The following ABCB5 variants were observed in gnomAD, a reference collection of about 807,000 sequenced individuals.
ABCB5 encodes ATP-binding cassette sub-family B member 5.
In ABCB5, 155 loss-of-function variants were observed where a neutral mutation model predicts 144.2. The ratio of observed to expected loss-of-function variants is 1.08; its 90% CI spans 0.94 to 1.23. ABCB5 has a LOEUF of 1.23. Among genes scored for constraint, ABCB5 ranks in the 50% most tolerant of loss-of-function variants. The probability of loss-of-function intolerance (pLI) is 0.00; values close to 1 mark genes in which losing one functional copy is unlikely to be tolerated. For missense variants in ABCB5, 1,830 were observed against 1,520.8 expected, an observed-to-expected ratio of 1.20 and a Z score of -3.38; for synonymous variants, 610 against 528.6, an observed-to-expected ratio of 1.15 and a Z score of -2.11.
chr7:20,633,078 G>C (rs1639077660), intron 5 of ABCB5, among the ~76,000 whole-genome samples: 4 of 137,614 alleles, frequency 2.9e-5, no homozygotes, highest in Admixed American at 2.9e-4. Flanking sequence ...TCAACAAATA[G>C]TAAAAATAAT....
intron 20 of ABCB5, among the ~76,000 whole-genome samples, chr7:20,717,013 C>T (rs140140007): frequency 3.1e-4 from 47 of 152,280 alleles, no homozygotes; most frequent in African/African-American, 8.4e-4. Context: ...AGCACTTACC[C>T]GACCTGAACG....
intron 2 of ABCB5, among the ~76,000 whole-genome samples, chr7:20,624,018 T>C (rs1476766192): frequency 1.3e-5 from 2 of 152,220 alleles, no homozygotes; most frequent in African/African-American, 4.8e-5. Flanking sequence ...TTTAGGAACA[T>C]TTTGAAAATC....
At chr7:20,686,630 G>C (rs957304551) in intron 16 of ABCB5, among the ~76,000 whole-genome samples, 4 of 151,998 alleles carry the variant, frequency 2.6e-5, no homozygotes, top group African/African-American at 9.7e-5. Context: ...GTCGACCTTT[G>C]CTAGCCCCTG....
At chr7:20,667,469 A>C in intron 14 of ABCB5, 3 of 984,570 alleles carry the variant, frequency 3.0e-6, no homozygotes, top group Non-Finnish European at 3.6e-6. Context: ...TAATTGTTTG[A>C]CTTTATATTC....
chr7:20,755,168 C>A (rs1375382056), intron 27 of ABCB5, among the ~76,000 whole-genome samples: 4 of 152,104 alleles, frequency 2.6e-5, no homozygotes, highest in African/African-American at 9.7e-5. Flanking sequence ...AGGCTGGTCT[C>A]GAACTCCTGA....
intron 1 of ABCB5, among the ~76,000 whole-genome samples, chr7:20,617,291 T>C (rs1783709017): frequency 6.6e-6 from 1 of 152,192 alleles, no homozygotes; most frequent in Non-Finnish European, 1.5e-5. Flanking sequence ...GTAGATTTTT[T>C]TCCAGTGCAT....
At chr7:20,659,542 G>A (rs377397932) in intron 14 of ABCB5, 11 of 1,003,372 alleles carry the variant, frequency 1.1e-5, no homozygotes, top group East Asian at 1.0e-4. Flanking sequence ...GATTGTGCAA[G>A]TTTGAACGCT....
chr7:20,668,434 A>C (rs1250552726), intron 14 of ABCB5, among the ~76,000 whole-genome samples: 3 of 150,196 alleles, frequency 2.0e-5, no homozygotes, highest in African/African-American at 4.9e-5. Context: ...GGAGGTGAGG[A>C]GCGTCTCTGC....
chr7:20,724,861 C>CA (rs1280414935), intron 21 of ABCB5, among the ~76,000 whole-genome samples: 2 of 151,946 alleles, frequency 1.3e-5, no homozygotes, highest in African/African-American at 4.8e-5. Context: ...ACCTTTCCAC[C>CA]TTTTTTTGCA....
At chr7:20,658,454 C>G (rs7807360) in intron 13 of ABCB5, 52 bp from the exon 14 acceptor site, 311,647 of 1,568,242 alleles carry the variant, frequency 0.2, 32,682 homozygotes, top group South Asian at 0.21. Flanking sequence ...CTGTTCTAAC[C>G]ATTTGATCAC....
Position 20,698,439 on chromosome 7 carries a change from T to G in ABCB5, c.2043T>G (p.Ile681Met), listed in dbSNP as rs751900178. Residue 681 changes from isoleucine (I) to methionine (M), a missense_variant, in exon 17 of 28, where the codon ATT (isoleucine) becomes ATG (methionine). Ile to Met is a conservative substitution (Grantham distance 10). Transcript: ENST00000404938. ...ISLPEVSLLK[I>M]LKLNKPEWPF... ...TTCCTGAAGTCTCTCTATTAAAAAT[T>G]TTAAAGTTAAACAAGCCTGAATGGC... 2.5e-6 allele frequency: 4 copies of G among 1,582,414 alleles called. No homozygotes were observed. Among genetic ancestry groups the G allele is most frequent in the African/African-American group, 1.4e-5 (1 of 72,760 alleles).
At chr7:20,693,619 G>A (rs1786306851) in intron 16 of ABCB5, among the ~76,000 whole-genome samples, 1 of 151,978 alleles carries the variant, frequency 6.6e-6, no homozygotes, top group Non-Finnish European at 1.5e-5. Context: ...AAAGAAACTT[G>A]TACCACTAAA....
At chr7:20,619,666 G>A (rs1326364529) in intron 1 of ABCB5, among the ~76,000 whole-genome samples, 1 of 152,156 alleles carries the variant, frequency 6.6e-6, no homozygotes. Flanking sequence ...TTGCTGTGCA[G>A]AAGCTCTTTA....
chr7:20,717,883 CTTTTTTTTTTTTTTTTTT>C (rs574592723), intron 20 of ABCB5, among the ~76,000 whole-genome samples: 16 of 43,272 alleles, frequency 3.7e-4, no homozygotes, highest in South Asian at 1.3e-3. Flanking sequence ...TTGTAACATT[CTTTTTTTTTTTTTTTTTT>C]TTTTTTTTTT....
intron 3 of ABCB5, among the ~76,000 whole-genome samples, chr7:20,627,642 C>T (rs1310400413): frequency 6.6e-6 from 1 of 151,472 alleles, no homozygotes; most frequent in South Asian, 2.1e-4. Context: ...GCATTTCTTT[C>T]TTATTCAAAA....
chr7:20,744,405 C>T (rs1418793355), intron 25 of ABCB5, among the ~76,000 whole-genome samples: 3 of 152,090 alleles, frequency 2.0e-5, no homozygotes, highest in Admixed American at 1.3e-4. Flanking sequence ...CCTTTGCAGG[C>T]TCCTTCTCAC....
At chr7:20,646,699 A>C (rs879379149) in intron 9 of ABCB5, among the ~76,000 whole-genome samples, 1 of 152,190 alleles carries the variant, frequency 6.6e-6, no homozygotes, top group Non-Finnish European at 1.5e-5. Context: ...AGTTACAATA[A>C]ACAGATCAGT....
intron 14 of ABCB5, among the ~76,000 whole-genome samples, chr7:20,665,725 A>AGAT (rs1785156557): frequency 3.8e-5 from 2 of 52,166 alleles, no homozygotes; most frequent in Admixed American, 3.3e-4. Flanking sequence ...AGAGATGGAA[A>AGAT]GATAGATAGA....
chr7:20,743,025 C>T lies in ABCB5; in HGVS notation c.3173C>T (p.Thr1058Ile), dbSNP rs1447196908. Reference sequence around the variant, plus strand: ...GGGAGCAGCGGCTGTGGGAAAAGCACTTCTGTTCAACTTCTGCAGAGACTT... The same window carrying T: ...GGGAGCAGCGGCTGTGGGAAAAGCATTTCTGTTCAACTTCTGCAGAGACTT... Reference protein sequence around the residue: ...FVGSSGCGKSTSVQLLQRLYD... With the variant: ...FVGSSGCGKSISVQLLQRLYD... Residue 1058 changes from threonine (T) to isoleucine (I), a missense_variant, in exon 25 of 28, where the codon ACT (threonine) becomes ATT (isoleucine). Coordinates refer to ENST00000404938, the MANE Select transcript of ABCB5 (RefSeq NM_001163941.2). The T allele has an allele frequency of 1.2e-6, 2 of 1,614,146 alleles. No individual in the cohort carries two copies. Among genetic ancestry groups the T allele is most frequent in the Admixed American group, 3.3e-5 (2 of 60,010 alleles).
Sources: gnomAD v4.1 joint callset for allele counts (sites outside exome capture counted in the v4.1 genomes callset) on GRCh38, gnomAD v4.1.1 for gene constraint, MANE v1.5 for transcripts, NCBI Gene and HGNC (gene_info 2026-07-23, HGNC 2026-07-21) for gene names.